Variants in CDRT4 observed in about 807,000 individuals in gnomAD.
The protein encoded by CDRT4 is CMT1A duplicated region transcript 4 protein.
For synonymous variants in CDRT4, 64 were observed against 69.6 expected, an observed-to-expected ratio of 0.92 and a Z score of 0.40; for missense variants, 167 against 193.1, an observed-to-expected ratio of 0.87 and a Z score of 0.80.
At chr17:15,439,423 T>C (rs544516982) in intron 3 of CDRT4, among the ~76,000 whole-genome samples, 1 of 152,334 alleles carries the variant, frequency 6.6e-6, no homozygotes, top group East Asian at 1.9e-4. Context: ...TCCATCTCCC[T>C]GTAAAAGTCA....
chr17:15,444,152 T>G (rs118035706), intron 2 of CDRT4: 1 of 1,256,592 alleles, frequency 8.0e-7, no homozygotes, highest in Non-Finnish European at 1.1e-6. Flanking sequence ...ATGGTATATA[T>G]GTCTCTGAAA....
intron 2 of CDRT4, among the ~76,000 whole-genome samples, chr17:15,446,123 G>A (rs535205130): frequency 1.3e-5 from 2 of 152,276 alleles, no homozygotes; most frequent in South Asian, 4.1e-4. Flanking sequence ...AGAACTTGCG[G>A]TTTCCATGCT....
rs183245994 is a variant in CDRT4, at chr17:15,462,797, C to A, written c.-130+4663G>T. Among the ~76,000 whole-genome samples the A allele has an allele frequency of 5.2e-4, 79 of 152,072 alleles. 1 individual carries two copies. The highest frequency in any genetic ancestry group is 9.9e-4 in the Non-Finnish European group (67 of 68,002). ...TTCCATAAATTCAGGAGAGTAGTGA[C>A]CTCTGAGGATTAGAGAAAGGGGTTA... On this transcript the variant is annotated intron_variant, in intron 1 of 3. Coordinates refer to ENST00000619038, the MANE Select transcript of CDRT4 (RefSeq NM_001204477.2).
At chr17:15,460,101 C>A (rs918451622) in intron 1 of CDRT4, among the ~76,000 whole-genome samples, 1 of 152,110 alleles carries the variant, frequency 6.6e-6, no homozygotes, top group Non-Finnish European at 1.5e-5. Flanking sequence ...GCTCTTATAT[C>A]CAATCCCTGC....
intron 1 of CDRT4, among the ~76,000 whole-genome samples, chr17:15,463,209 G>A (rs1346176060): frequency 6.6e-6 from 1 of 152,218 alleles, no homozygotes; most frequent in East Asian, 1.9e-4. Flanking sequence ...GAAGTGGGTA[G>A]GGGAGGGCTA....
intron 1 of CDRT4, among the ~76,000 whole-genome samples, chr17:15,454,724 G>T (rs1206923528): frequency 1.3e-5 from 2 of 152,118 alleles, no homozygotes; most frequent in African/African-American, 4.8e-5. Context: ...CAGCATCAAG[G>T]GGCTGTAGGG....
At chr17:15,456,288 G>C (rs1979477555) in intron 1 of CDRT4, among the ~76,000 whole-genome samples, 1 of 152,160 alleles carries the variant, frequency 6.6e-6, no homozygotes, top group South Asian at 2.1e-4. Flanking sequence ...TGCAGGTGGG[G>C]TATGGATGTA....
At chr17:15,446,475 G>A (rs1304390852) in intron 2 of CDRT4, among the ~76,000 whole-genome samples, 1 of 151,948 alleles carries the variant, frequency 6.6e-6, no homozygotes, top group Non-Finnish European at 1.5e-5. Flanking sequence ...GGGGCGAATT[G>A]GTCTTTCGGG....
At chr17:15,456,073 G>A (rs1979468394) in intron 1 of CDRT4, among the ~76,000 whole-genome samples, 1 of 152,182 alleles carries the variant, frequency 6.6e-6, no homozygotes, top group African/African-American at 2.4e-5. Context: ...TTCTACTCTG[G>A]CAGCAGTGGG....
At chr17:15,457,410 T>C (rs1484976229) in intron 1 of CDRT4, among the ~76,000 whole-genome samples, 1 of 152,210 alleles carries the variant, frequency 6.6e-6, no homozygotes, top group East Asian at 1.9e-4. Context: ...CAGAGCTCTG[T>C]GAATTGAGAC....
chr17:15,461,280 G>A (rs1024131177), intron 1 of CDRT4, among the ~76,000 whole-genome samples: 1 of 152,172 alleles, frequency 6.6e-6, no homozygotes, highest in African/African-American at 2.4e-5. Context: ...TCTGTGCCAG[G>A]CATAGGGATA....
At chr17:15,441,781 A>G (rs971523898) in intron 2 of CDRT4, among the ~76,000 whole-genome samples, 1 of 152,218 alleles carries the variant, frequency 6.6e-6, no homozygotes, top group African/African-American at 2.4e-5. Context: ...TTAGAGACAG[A>G]TCTTACAGAG....
At chr17:15,442,580 A>C (rs1326623439) in intron 2 of CDRT4, among the ~76,000 whole-genome samples, 1 of 152,180 alleles carries the variant, frequency 6.6e-6, no homozygotes, top group Non-Finnish European at 1.5e-5. Context: ...AGCCTCAGGA[A>C]AGCCCAGTCT....
At chr17:15,459,087 G>A (rs748310145) in intron 1 of CDRT4, among the ~76,000 whole-genome samples, 3 of 152,178 alleles carry the variant, frequency 2.0e-5, no homozygotes, top group Non-Finnish European at 4.4e-5. Context: ...TATGCTCCTA[G>A]ACTCAGAACA....
At chr17:15,458,104 G>T (rs942363674) in intron 1 of CDRT4, among the ~76,000 whole-genome samples, 1 of 152,184 alleles carries the variant, frequency 6.6e-6, no homozygotes, top group Non-Finnish European at 1.5e-5. Context: ...AAAGATGTGT[G>T]TGCTGCATGG....
intron 1 of CDRT4, among the ~76,000 whole-genome samples, chr17:15,466,397 G>A (rs539827388): frequency 6.6e-6 from 1 of 152,300 alleles, no homozygotes; most frequent in African/African-American, 2.4e-5. Flanking sequence ...CTCATCTGCA[G>A]AAACGAGTCT....
At chr17:15,461,260 A>G (rs1979735022) in intron 1 of CDRT4, among the ~76,000 whole-genome samples, 1 of 152,204 alleles carries the variant, frequency 6.6e-6, no homozygotes, top group Non-Finnish European at 1.5e-5. Context: ...CTAAAACTAT[A>G]ATACAGAGCT....
At chr17:15,440,114 G>T in intron 3 of CDRT4, 94 bp downstream of exon 3, 3 of 1,089,424 alleles carry the variant, frequency 2.8e-6, no homozygotes, top group African/African-American at 1.7e-5. Context: ...AAAAAAAAAA[G>T]AGTGGCCGCC....
chr17:15,464,688 C>T lies in CDRT4; in HGVS notation c.-130+2772G>A, dbSNP rs561885581. Among the ~76,000 whole-genome samples the T allele has an allele frequency of 5.9e-5, 9 of 152,064 alleles. No individual in the cohort carries two copies. Among genetic ancestry groups the T allele is most frequent in the South Asian group, 2.1e-4 (1 of 4,816 alleles). On this transcript the variant is annotated intron_variant, in intron 1 of 3. Coordinates refer to ENST00000619038, the MANE Select transcript of CDRT4 (RefSeq NM_001204477.2). This position sits in a 1 kb window ranked among gnomAD's most constrained non-coding sequence, Gnocchi z 4.5. ...TTCCCCTTCTGCTTTCAAACCTTGC[C>T]AAGTCTCCCCTCCTCTAAACAATTC...
Sources: gnomAD v4.1 joint callset for allele counts (sites outside exome capture counted in the v4.1 genomes callset) on GRCh38, gnomAD v4.1.1 for gene constraint, Gnocchi (gnomAD v3.1) non-coding constraint, MANE v1.5 for transcripts, NCBI Gene and HGNC (gene_info 2026-07-23, HGNC 2026-07-21) for gene names.